FAT3: variants seen among roughly 807,000 people sequenced by gnomAD.
The protein encoded by FAT3 is protocadherin Fat 3.
FAT3 carries 95 observed loss-of-function variants against 310.2 expected under a neutral mutation model. That is an observed-to-expected ratio of 0.31 (90% CI 0.26 to 0.36). FAT3 has a LOEUF of 0.36. FAT3 is among the 10% of genes least tolerant of loss of function. FAT3 has a pLI of 1.00. For missense variants in FAT3, 5,408 were observed against 5,715.6 expected (o/e 0.95, Z 1.74); for synonymous variants, 2,314 against 2,192.9 (o/e 1.06, Z -1.54).
chr11:92,638,222 G>C (rs958218090), intron 3 of FAT3, among the ~76,000 whole-genome samples: 1 of 152,214 alleles, frequency 6.6e-6, no homozygotes, highest in Non-Finnish European at 1.5e-5. Flanking sequence ...GTAATGTGGA[G>C]AGCAGACAGG....
At chr11:92,403,186 A>G (rs1218445482) in intron 2 of FAT3, 1 of 152,236 alleles carries the variant, frequency 6.6e-6, no homozygotes, top group Non-Finnish European at 1.5e-5. Flanking sequence ...GGACAAGTAG[A>G]TGTAATGTCA....
intron 3 of FAT3, among the ~76,000 whole-genome samples, chr11:92,538,307 A>C (rs1422376165): frequency 6.6e-6 from 1 of 152,188 alleles, no homozygotes; most frequent in Non-Finnish European, 1.5e-5. Context: ...ACCCACAAGA[A>C]GGATGGAATC....
At chr11:92,401,297 T>G in intron 2 of FAT3, among the ~76,000 whole-genome samples, 1 of 152,090 alleles carries the variant, frequency 6.6e-6, no homozygotes, top group East Asian at 1.9e-4. Flanking sequence ...TACCAGGTGC[T>G]CAGTAAGAGG....
intron 3 of FAT3, among the ~76,000 whole-genome samples, chr11:92,533,022 G>C: frequency 6.6e-6 from 1 of 152,024 alleles, no homozygotes; most frequent in East Asian, 1.9e-4. Context: ...TTAGACCAGT[G>C]TCCCAGACCA....
intron 2 of FAT3, among the ~76,000 whole-genome samples, chr11:92,513,849 C>T (rs1953388888): frequency 6.6e-6 from 1 of 152,082 alleles, no homozygotes. Context: ...ATGTTATAAA[C>T]ACATGACCCC....
chr11:92,586,786 A>G (rs1485726637), intron 3 of FAT3, among the ~76,000 whole-genome samples: 1 of 152,018 alleles, frequency 6.6e-6, no homozygotes, highest in Non-Finnish European at 1.5e-5. Flanking sequence ...GGGGGAACAT[A>G]CTTTCATGCA....
intron 3 of FAT3, among the ~76,000 whole-genome samples, chr11:92,613,430 A>G (rs1320445829): frequency 6.6e-6 from 1 of 152,220 alleles, no homozygotes; most frequent in Non-Finnish European, 1.5e-5. Context: ...AAATAACACA[A>G]TTAGCCTCTA....
chr11:92,527,542 T>C (rs1303769999), intron 3 of FAT3, among the ~76,000 whole-genome samples: 3 of 152,206 alleles, frequency 2.0e-5, no homozygotes, highest in Non-Finnish European at 4.4e-5. Context: ...ATGATGTGTT[T>C]GAAGGCTGTT....
intron 3 of FAT3, among the ~76,000 whole-genome samples, chr11:92,646,622 A>G (rs948984032): frequency 7.2e-5 from 11 of 152,232 alleles, no homozygotes; most frequent in Non-Finnish European, 1.2e-4. Flanking sequence ...CTCTCACATT[A>G]ATGCAGAGTA....
chr11:92,227,849 A>T (rs978440554), intron 1 of FAT3, among the ~76,000 whole-genome samples: 34 of 151,894 alleles, frequency 2.2e-4, no homozygotes, highest in African/African-American at 8.2e-4. Flanking sequence ...ACAAAGACAA[A>T]AAAAAAGCAT....
chr11:92,466,881 T>TGGC (rs1448663524), intron 2 of FAT3, among the ~76,000 whole-genome samples: 5 of 151,814 alleles, frequency 3.3e-5, no homozygotes, highest in African/African-American at 9.7e-5. Context: ...TGATTTCCAA[T>TGGC]TTCATCCATG....
At chr11:92,315,506 T>TAGAGAGAGAGAGAG (rs1947426429) in intron 1 of FAT3, among the ~76,000 whole-genome samples, 7 of 86,606 alleles carry the variant, frequency 8.1e-5, no homozygotes, top group Non-Finnish European at 1.6e-4. Flanking sequence ...TATATATATA[T>TAGAGAGAGAGAGAG]ATATATAGAG....
chr11:92,542,163 C>G (rs1160336016), intron 3 of FAT3, among the ~76,000 whole-genome samples: 1 of 152,056 alleles, frequency 6.6e-6, no homozygotes, highest in Non-Finnish European at 1.5e-5. Flanking sequence ...AGACCCCTGT[C>G]TCTCACCATA....
At chr11:92,426,515 C>G (rs1950637446) in intron 2 of FAT3, among the ~76,000 whole-genome samples, 1 of 152,108 alleles carries the variant, frequency 6.6e-6, no homozygotes, top group African/African-American at 2.4e-5. Flanking sequence ...TTAGGTCTTA[C>G]TTTTAAATCT....
At chr11:92,560,724 C>T (rs1195188259) in intron 3 of FAT3, among the ~76,000 whole-genome samples, 1 of 152,142 alleles carries the variant, frequency 6.6e-6, no homozygotes, top group Non-Finnish European at 1.5e-5. Flanking sequence ...TTCTAAATAC[C>T]TCATTCTGCT....
intron 16 of FAT3, 134 bp from the exon 17 acceptor site, chr11:92,837,529 A>C: frequency 9.3e-7 from 1 of 1,073,720 alleles, no homozygotes; most frequent in Non-Finnish European, 1.3e-6. Flanking sequence ...GCCAAGAATC[A>C]CCCGGTCTGG....
At chr11:92,809,601 A>G (rs959744537) in intron 12 of FAT3, among the ~76,000 whole-genome samples, 1 of 152,204 alleles carries the variant, frequency 6.6e-6, no homozygotes, top group African/African-American at 2.4e-5. Flanking sequence ...CAGCGGTTTC[A>G]AAAAGGGATT....
chr11:92,805,817 G>A (rs1402611055), intron 11 of FAT3, among the ~76,000 whole-genome samples: 1 of 152,098 alleles, frequency 6.6e-6, no homozygotes, highest in African/African-American at 2.4e-5. Context: ...CCATTGCAAG[G>A]TACAAGTACT....
intron 1 of FAT3, among the ~76,000 whole-genome samples, chr11:92,307,168 C>T (rs960385062): frequency 6.7e-6 from 1 of 148,634 alleles, no homozygotes; most frequent in African/African-American, 2.5e-5. Context: ...GCTTCAGGCC[C>T]CCACCCCCAC....
Sources: allele counts gnomAD v4.1 joint callset (sites outside exome capture counted in the v4.1 genomes callset), GRCh38; gene constraint gnomAD v4.1.1; transcripts MANE v1.5; gene names NCBI Gene and HGNC (gene_info 2026-07-23, HGNC 2026-07-21).